AKNA: variants seen among roughly 807,000 people sequenced by gnomAD.
AKNA encodes the protein AT-hook transcription factor.
In AKNA, 67 loss-of-function variants were observed where a neutral mutation model predicts 138.8. That is an observed-to-expected ratio of 0.48 (90% CI 0.40 to 0.59). The LOEUF is 0.59. Ranked by LOEUF, AKNA falls within the 20% of genes least tolerant of loss-of-function variation. The pLI is 0.00. For synonymous variants in AKNA, 737 were observed against 754.4 expected, an observed-to-expected ratio of 0.98 and a Z score of 0.38; for missense variants, 1,813 against 1,880.4, an observed-to-expected ratio of 0.96 and a Z score of 0.66.
intron 7 of AKNA, among the ~76,000 whole-genome samples, chr9:114,363,590 T>A (rs932606160): frequency 1.3e-5 from 2 of 152,186 alleles, no homozygotes; most frequent in African/African-American, 4.8e-5. Context: ...GCCATAACAT[T>A]TTTTTAGAAA....
intron 19 of AKNA, among the ~76,000 whole-genome samples, chr9:114,342,359 C>G (rs1588943469): frequency 6.6e-6 from 1 of 152,196 alleles, no homozygotes; most frequent in African/African-American, 2.4e-5. Flanking sequence ...ATCCAACAAG[C>G]CACTGGGCTA....
chr9:114,340,009 G>C (rs148581331), intron 21 of AKNA, among the ~76,000 whole-genome samples: 5 of 152,236 alleles, frequency 3.3e-5, no homozygotes, highest in Non-Finnish European at 5.9e-5. Flanking sequence ...GGAGGCATGA[G>C]AATAGCTTGA....
downstream of AKNA, chr9:114,331,597 T>G (rs1588925729): frequency 1.7e-5 from 28 of 1,613,918 alleles, no homozygotes; most frequent in Non-Finnish European, 2.3e-5. Flanking sequence ...GCTCACCTGC[T>G]GTTCCTTAGG....
intron 21 of AKNA, among the ~76,000 whole-genome samples, chr9:114,339,957 G>C (rs1219710062): frequency 6.6e-6 from 1 of 152,132 alleles, no homozygotes; most frequent in Admixed American, 6.5e-5. Flanking sequence ...AAATTAGCCG[G>C]GTGTGGTGGC....
At position 114,355,954 on chromosome 9, in the gene AKNA, C is replaced by T. The variant is rs1831469084; in HGVS notation, c.3029G>A (p.Ser1010Asn). The T allele has an allele frequency of 6.2e-7, 1 of 1,614,104 alleles. No homozygotes were observed. ...CTCGGCTGCCAGTGTCCGCTCCAGGCTGAAGTTGGGTGCCCTCTGCCGGAG... is the reference window on the plus strand; with the variant it reads ...CTCGGCTGCCAGTGTCCGCTCCAGGTTGAAGTTGGGTGCCCTCTGCCGGAG... ...GPLRQRAPNF[S>N]LERTLAAEMA... is the part of the protein sequence containing the mutation. The change falls in exon 14 of 22, where the codon AGC becomes AAC. Residue 1010 changes from serine (S) to asparagine (N), a missense_variant. Coordinates refer to ENST00000374088, the MANE Select transcript of AKNA (RefSeq NM_001317950.2).
chr9:114,334,803 T>G lies in AKNA; in HGVS notation c.*2251A>C, dbSNP rs1829932801. The stretch of plus-strand genomic sequence containing the variant: ...GAGGCCCTGATGTCCTGGGGTCTAG[T>G]CCTGTGTCCACAGGCACCACTCCCC... On this transcript the variant is annotated 3_prime_UTR_variant, in exon 22 of 22. Transcript: ENST00000374088. The G allele has an allele frequency of 6.8e-6, 1 of 147,018 alleles. No homozygotes were observed. Among genetic ancestry groups the G allele is most frequent in the Admixed American group, 6.6e-5 (1 of 15,120 alleles). 9.1% of individuals were successfully genotyped at this position (147,018 alleles called of 1,614,324 possible). A position where few individuals can be genotyped will look rare whatever the true frequency, so the allele number is the denominator to read the frequency against.
intron 1 of AKNA, among the ~76,000 whole-genome samples, chr9:114,383,839 C>G (rs773227376): frequency 6.6e-6 from 1 of 152,194 alleles, no homozygotes; most frequent in Non-Finnish European, 1.5e-5. Flanking sequence ...GCAGGGAATA[C>G]CATTCTTCCC....
chr9:114,361,814 C>T lies in AKNA; in HGVS notation c.2014G>A (p.Asp672Asn), dbSNP rs1259506660. Residue 672 changes from aspartate (D) to asparagine (N), a missense_variant, in exon 9 of 22, where the codon GAC (aspartate) becomes AAC (asparagine). Transcript: ENST00000374088. ...TQQEPEPPGS[D>N]SALDSTPALP... ...GCTGGGGTGCTGTCCAGAGCTGAGTCTGACCCGGGCGGCTCAGGCTCTTGC... is the reference window on the plus strand; with the variant it reads ...GCTGGGGTGCTGTCCAGAGCTGAGTTTGACCCGGGCGGCTCAGGCTCTTGC... The T allele has an allele frequency of 3.7e-6, 6 of 1,613,672 alleles. No individual in the cohort carries two copies.
At chr9:114,348,957 CTG>C (rs1485377566) in intron 15 of AKNA, 2 of 456,202 alleles carry the variant, frequency 4.4e-6, no homozygotes, top group African/African-American at 2.0e-5. Context: ...GCTCAGATGA[CTG>C]TGTCAGAAGG....
Position 114,337,012 on chromosome 9 carries a change from T to TTGGGGGGGGGGGGGG in AKNA, c.*41_*42insCCCCCCCCCCCCCCA. 2.6e-4 allele frequency: 318 copies of TTGGGGGGGGGGGGGG among 1,208,066 alleles called. No homozygotes were observed. The highest frequency in any genetic ancestry group is 3.1e-4 in the Non-Finnish European group (288 of 929,226). 74.8% of individuals were successfully genotyped at this position (1,208,066 alleles called of 1,614,324 possible). A position where few individuals can be genotyped will look rare whatever the true frequency, so the allele number is the denominator to read the frequency against. ...CCCACTCCTGGCCTGGCAGGCCACC[T>TTGGGGGGGGGGGGGG]GCCCACCCACCCACCCATCTGCCTC... On this transcript the variant is annotated 3_prime_UTR_variant, in exon 22 of 22. Coordinates refer to ENST00000374088, the MANE Select transcript of AKNA (RefSeq NM_001317950.2).
At chr9:114,364,684 C>A in intron 6 of AKNA, 65 bp from the exon 7 acceptor site, 4 of 1,527,308 alleles carry the variant, frequency 2.6e-6, no homozygotes, top group Non-Finnish European at 3.6e-6. Context: ...CCACACCCAG[C>A]CACATCTATG....
chr9:114,383,634 G>A (rs373579232), intron 1 of AKNA, among the ~76,000 whole-genome samples: 81 of 152,324 alleles, frequency 5.3e-4, no homozygotes, highest in African/African-American at 1.9e-3. Flanking sequence ...TGCATGCTGT[G>A]TTGAAGGCAG....
Position 114,381,026 on chromosome 9 carries a change from G to A in AKNA, c.274+34C>T, listed in dbSNP as rs1463018157. The A allele has an allele frequency of 3.4e-6, 5 of 1,452,576 alleles. No individual in the cohort carries two copies. The African/African-American group carries it at 5.7e-5, about 17-fold the overall frequency. 90.0% of individuals were successfully genotyped at this position (1,452,576 alleles called of 1,614,324 possible). A position where few individuals can be genotyped will look rare whatever the true frequency, so the allele number is the denominator to read the frequency against. Reference sequence around the variant, plus strand: ...AGAACGTGTGATGTTTTGGGGACAGGACACCACTGTAGGGGGAGGGGTGTC... The same window carrying A: ...AGAACGTGTGATGTTTTGGGGACAGAACACCACTGTAGGGGGAGGGGTGTC... On this transcript the variant is annotated intron_variant, in intron 2 of 21. Transcript: ENST00000374088.
chr9:114,348,827 G>C (rs187858927), intron 15 of AKNA: 1 of 455,602 alleles, frequency 2.2e-6, no homozygotes, highest in East Asian at 7.0e-5. Context: ...GGCGGATGCA[G>C]GCTCCACATC....
chr9:114,374,271 T>C, intron 3 of AKNA, 104 bp from the exon 4 acceptor site: 1 of 1,128,474 alleles, frequency 8.9e-7, no homozygotes, highest in Non-Finnish European at 1.3e-6. Context: ...GGCTTCTGGG[T>C]TCCTGAGAGG....
Position 114,337,048 on chromosome 9 carries a change from G to A in AKNA, c.*6C>T. 1 of 582,796 alleles carries A rather than the reference G, an allele frequency of 1.7e-6. No homozygotes were observed. Among genetic ancestry groups the A allele is most frequent in the Non-Finnish European group, 2.2e-6 (1 of 452,636 alleles). The allele number at this position is 582,796 out of a possible 1,614,324, so 36.1% of individuals were successfully genotyped here. ...CCACCCATCTGCCTCTGGGCCCCCA[G>A]TGAAGTCAGAAGAGGCAGGAGCCCC... On this transcript the variant is annotated 3_prime_UTR_variant, in exon 22 of 22. Coordinates refer to ENST00000374088, the MANE Select transcript of AKNA (RefSeq NM_001317950.2).
intron 21 of AKNA, among the ~76,000 whole-genome samples, chr9:114,338,665 C>G (rs976142657): frequency 6.6e-6 from 1 of 152,208 alleles, no homozygotes; most frequent in Non-Finnish European, 1.5e-5. Flanking sequence ...CCCAGTCATT[C>G]TGCTGGGCTA....
chr9:114,340,977 CTACGAACTTCAG>C (rs1189103396), intron 21 of AKNA, among the ~76,000 whole-genome samples: 1 of 152,162 alleles, frequency 6.6e-6, no homozygotes, highest in African/African-American at 2.4e-5. Context: ...CCTGAAGGAA[CTACGAACTTCAG>C]TTACCAATAA....
chr9:114,388,399 T>C (rs1413915196), upstream of AKNA, among the ~76,000 whole-genome samples: 2 of 152,154 alleles, frequency 1.3e-5, no homozygotes, highest in African/African-American at 2.4e-5. Context: ...TCAGGGCCCA[T>C]GTGCACGGTG....
Sources: gnomAD v4.1 joint callset for allele counts (sites outside exome capture counted in the v4.1 genomes callset) on GRCh38, gnomAD v4.1.1 for gene constraint, MANE v1.5 for transcripts, NCBI Gene and HGNC (gene_info 2026-07-23, HGNC 2026-07-21) for gene names.